The following PTPRD variants were observed in gnomAD, a reference collection of about 807,000 sequenced individuals.
PTPRD encodes receptor-type tyrosine-protein phosphatase delta.
In PTPRD, 34 loss-of-function variants were observed where a neutral mutation model predicts 214.5. The ratio of observed to expected loss-of-function variants is 0.16; its 90% CI spans 0.12 to 0.21. PTPRD has a LOEUF of 0.21. Among genes scored for constraint, PTPRD ranks in the 10% least tolerant of loss-of-function variants. The pLI, the probability that PTPRD is intolerant of heterozygous loss-of-function variation, is 1.00. For missense variants in PTPRD, 2,545 were observed against 2,398.7 expected, an observed-to-expected ratio of 1.06 and a Z score of -1.27; for synonymous variants, 1,128 against 845.7, an observed-to-expected ratio of 1.33 and a Z score of -5.79.
chr9:8,776,083 A>G (rs1304700868), intron 11 of PTPRD, among the ~76,000 whole-genome samples: 2 of 152,154 alleles, frequency 1.3e-5, no homozygotes, highest in African/African-American at 4.8e-5. Flanking sequence ...GCAGACAATA[A>G]CAAATGTTCC....
intron 7 of PTPRD, among the ~76,000 whole-genome samples, chr9:9,670,817 A>T (rs1175909717): frequency 6.6e-6 from 1 of 152,144 alleles, no homozygotes; most frequent in Non-Finnish European, 1.5e-5. Context: ...TAGATTTCAG[A>T]AGATATATGG....
intron 11 of PTPRD, among the ~76,000 whole-genome samples, chr9:8,884,638 G>A (rs1341502188): frequency 2.6e-5 from 4 of 152,158 alleles, no homozygotes; most frequent in Non-Finnish European, 4.4e-5. Context: ...AGGAAATATA[G>A]CTAGTTGACT....
chr9:9,430,693 A>G (rs891421617), intron 8 of PTPRD, among the ~76,000 whole-genome samples: 1 of 152,190 alleles, frequency 6.6e-6, no homozygotes, highest in Non-Finnish European at 1.5e-5. Flanking sequence ...TTGTACTGGT[A>G]CCAAAAGAGA....
chr9:10,581,862 A>T (rs1169122661), intron 2 of PTPRD, among the ~76,000 whole-genome samples: 1 of 152,196 alleles, frequency 6.6e-6, no homozygotes, highest in African/African-American at 2.4e-5. Flanking sequence ...TCTTATATTA[A>T]TAATATTTAT....
At chr9:9,318,444 G>C in intron 9 of PTPRD, among the ~76,000 whole-genome samples, 1 of 152,070 alleles carries the variant, frequency 6.6e-6, no homozygotes, top group Non-Finnish European at 1.5e-5. Context: ...AATGATCATA[G>C]TTTGAAGTAA....
chr9:8,492,758 A>T, intron 27 of PTPRD, 104 bp downstream of exon 27: 2 of 711,464 alleles, frequency 2.8e-6, no homozygotes. Flanking sequence ...TAGTCCATTT[A>T]TTTCCTCTGA....
intron 9 of PTPRD, among the ~76,000 whole-genome samples, chr9:9,368,968 T>C (rs374243520): frequency 6.6e-6 from 1 of 151,834 alleles, no homozygotes; most frequent in East Asian, 1.9e-4. Flanking sequence ...GTGTCCATGT[T>C]TTCTCATTGT....
intron 33 of PTPRD, chr9:8,454,688 AAT>A (rs1307605554): frequency 2.1e-5 from 29 of 1,374,152 alleles, no homozygotes; most frequent in Non-Finnish European, 2.9e-5. Context: ...AGATTTAAGA[AAT>A]AGTGTTCACA....
intron 11 of PTPRD, among the ~76,000 whole-genome samples, chr9:8,743,379 C>A (rs540166026): frequency 6.6e-6 from 1 of 152,100 alleles, no homozygotes; most frequent in African/African-American, 2.4e-5. Context: ...TGATGTCAGT[C>A]AGTGAATAGA....
chr9:9,873,602 C>T (rs908122908), intron 5 of PTPRD, among the ~76,000 whole-genome samples: 2 of 152,082 alleles, frequency 1.3e-5, no homozygotes, highest in Admixed American at 1.3e-4. Context: ...TTCTACATCT[C>T]CATTAATGCC....
At chr9:9,183,156 A>G (rs1021108588) in intron 10 of PTPRD, 148 bp downstream of exon 10, 61 of 152,176 alleles carry the variant, frequency 4.0e-4, no homozygotes, top group African/African-American at 1.4e-3. Context: ...GAATAACTCA[A>G]TATTAGGTAA....
chr9:9,216,045 G>C (rs2099951972), intron 9 of PTPRD, among the ~76,000 whole-genome samples: 3 of 152,126 alleles, frequency 2.0e-5, no homozygotes, highest in Non-Finnish European at 4.4e-5. Context: ...ACAATCTAGT[G>C]TCAGCCTGCC....
At chr9:10,528,120 T>C (rs2054888674) in intron 2 of PTPRD, among the ~76,000 whole-genome samples, 1 of 152,134 alleles carries the variant, frequency 6.6e-6, no homozygotes, top group African/African-American at 2.4e-5. Flanking sequence ...GGCAGGAGCC[T>C]GATGCAGATC....
At chr9:8,797,670 C>A (rs1242444609) in intron 11 of PTPRD, among the ~76,000 whole-genome samples, 1 of 152,146 alleles carries the variant, frequency 6.6e-6, no homozygotes, top group Admixed American at 6.6e-5. Context: ...ATGTGATTTT[C>A]CTGTCACTGA....
At chr9:8,590,833 G>T (rs1014840404) in intron 14 of PTPRD, among the ~76,000 whole-genome samples, 1 of 152,128 alleles carries the variant, frequency 6.6e-6, no homozygotes, top group Admixed American at 6.5e-5. Flanking sequence ...ATAATTAGCT[G>T]TCACAAACTC....
chr9:10,093,533 G>C (rs1247745991), intron 3 of PTPRD, among the ~76,000 whole-genome samples: 1 of 151,532 alleles, frequency 6.6e-6, no homozygotes, highest in Non-Finnish European at 1.5e-5. Context: ...ATGGAAAACT[G>C]TTTGGAGATT....
intron 5 of PTPRD, among the ~76,000 whole-genome samples, chr9:9,935,375 C>T (rs2088810555): frequency 6.6e-6 from 1 of 152,106 alleles, no homozygotes; most frequent in African/African-American, 2.4e-5. Context: ...GCGACTTCAG[C>T]AGTCTCAGGA....
At chr9:8,868,611 G>A (rs2098240749) in intron 11 of PTPRD, among the ~76,000 whole-genome samples, 1 of 152,148 alleles carries the variant, frequency 6.6e-6, no homozygotes, top group Non-Finnish European at 1.5e-5. Flanking sequence ...CACTAGACTA[G>A]ATTATCTTTA....
In PTPRD at chr9:9,450,561, T is replaced by C. The variant is rs1388333326; in HGVS notation, c.-236-53079A>G. ...TACCAGAATTACTTTTGGAGTTTGT[T>C]ATAAGAAAGACATATGTAAATTCTT... On this transcript the variant is annotated intron_variant, in intron 8 of 45. Transcript: ENST00000381196. Among the ~76,000 whole-genome samples the C allele has an allele frequency of 3.3e-5, 5 of 152,044 alleles. No individual in the cohort carries two copies. The East Asian group carries it at 5.8e-4, about 18-fold the overall frequency.
Sources: allele counts gnomAD v4.1 joint callset (sites outside exome capture counted in the v4.1 genomes callset), GRCh38; gene constraint gnomAD v4.1.1; transcripts MANE v1.5; gene names NCBI Gene and HGNC (gene_info 2026-07-23, HGNC 2026-07-21).